APOL4: variants seen among roughly 807,000 people sequenced by gnomAD.
APOL4 encodes apolipoprotein L4.
Under a neutral mutation model 12.1 loss-of-function variants are expected in APOL4, and 14 were observed. The observed-to-expected ratio is 1.16, with a 90% CI of 0.76 to 1.81. APOL4 has a LOEUF of 1.81. Among genes scored for constraint, APOL4 ranks in the 40% most tolerant of loss-of-function variants. The pLI, the probability that APOL4 is intolerant of heterozygous loss-of-function variation, is 0.00. For synonymous variants in APOL4, 171 were observed against 160.6 expected (o/e 1.06, Z -0.49); for missense variants, 432 against 423.1 (o/e 1.02, Z -0.18).
intron 2 of APOL4, chr22:36,197,644 C>T: frequency 6.5e-7 from 1 of 1,547,036 alleles, no homozygotes; most frequent in Non-Finnish European, 8.7e-7. Context: ...GCGCTTCTGT[C>T]AGACACAAAC....
At chr22:36,196,608 G>A (rs1340703520) in intron 2 of APOL4, among the ~76,000 whole-genome samples, 1 of 152,196 alleles carries the variant, frequency 6.6e-6, no homozygotes, top group Non-Finnish European at 1.5e-5. Flanking sequence ...AGGGATTTGG[G>A]AATTATGGAA....
In APOL4 at chr22:36,201,796, G is replaced by T; in HGVS notation, c.-62C>A. ...TCTGGGGCCTCTGCTGAATGTTGAGGCTGGATACTGACTGTTAGCCTCAAC... is the reference window on the plus strand; with the variant it reads ...TCTGGGGCCTCTGCTGAATGTTGAGTCTGGATACTGACTGTTAGCCTCAAC... On this transcript the variant is annotated 5_prime_UTR_variant, in exon 1 of 4. Coordinates refer to ENST00000683024, the MANE Select transcript of APOL4 (RefSeq NM_001386885.1). 1 of 1,579,866 alleles carries T rather than the reference G, an allele frequency of 6.3e-7. No homozygotes were observed. The highest frequency in any genetic ancestry group is 2.3e-5 in the East Asian group (1 of 43,228).
intron 2 of APOL4, 74 bp from the exon 3 acceptor site, chr22:36,195,511 T>C: frequency 6.5e-7 from 1 of 1,529,654 alleles, no homozygotes; most frequent in South Asian, 1.2e-5. Flanking sequence ...ATAAGGTGGT[T>C]CGGTGTTAAT....
In APOL4 at chr22:36,191,614, C is replaced by T. The variant is rs574540918; in HGVS notation, c.508G>A (p.Ala170Thr). The T allele has an allele frequency of 6.2e-7, 1 of 1,613,650 alleles. No homozygotes were observed. Among genetic ancestry groups the T allele is most frequent in the East Asian group, 2.2e-5 (1 of 44,860 alleles). Residue 170 changes from alanine (A) to threonine (T), a missense_variant, in exon 4 of 4, where the codon GCA (alanine) becomes ACA (threonine). Coordinates refer to ENST00000683024, the MANE Select transcript of APOL4 (RefSeq NM_001386885.1). ...GCTATTCCCAGCCCTACCCCAGCTGCAGTAATGCTCAGGCTCAGCCCTGCT... is the reference window on the plus strand; with the variant it reads ...GCTATTCCCAGCCCTACCCCAGCTGTAGTAATGCTCAGGCTCAGCCCTGCT... ...FTAGLSLSIT[A>T]AGVGLGIASA...
At chr22:36,199,593 G>C in intron 1 of APOL4, 1 of 1,556,468 alleles carries the variant, frequency 6.4e-7, no homozygotes, top group Non-Finnish European at 8.7e-7. Context: ...TCACACCAAG[G>C]AAAAGTCCGC....
At chr22:36,204,100 C>T (rs1264129075), upstream of APOL4, among the ~76,000 whole-genome samples, 2 of 152,166 alleles carry the variant, frequency 1.3e-5, no homozygotes, top group African/African-American at 4.8e-5. Context: ...CCCCACAGGG[C>T]CTGGCACAAG....
chr22:36,199,959 C>T (rs2014520654), intron 1 of APOL4, among the ~76,000 whole-genome samples: 2 of 152,114 alleles, frequency 1.3e-5, no homozygotes, highest in South Asian at 2.1e-4. Flanking sequence ...AGGTGCCCGT[C>T]GCCACATTCG....
intron 2 of APOL4, chr22:36,197,637 CT>C (rs1232506518): frequency 6.5e-7 from 1 of 1,545,312 alleles, no homozygotes; most frequent in African/African-American, 1.4e-5. Flanking sequence ...CAGATGGGCG[CT>C]TCTGTCAGAC....
At position 36,199,241 on chromosome 22, in the gene APOL4, A is replaced by T. The variant is rs2014498861; in HGVS notation, c.82+89T>A. ...TCCGTTGGGGCTCACTCAGCCTTGA[A>T]GACACCACCCTCCATTCTAGCTGTG... On this transcript the variant is annotated intron_variant, in intron 2 of 3. Transcript: ENST00000683024. The T allele has an allele frequency of 3.8e-6, 6 of 1,565,574 alleles. No individual in the cohort carries two copies. The Admixed American group carries it at 1.0e-4, about 26-fold the overall frequency.
At chr22:36,197,894 G>A (rs1332731002) in intron 2 of APOL4, 9 of 1,483,096 alleles carry the variant, frequency 6.1e-6, no homozygotes, top group Non-Finnish European at 7.2e-6. Flanking sequence ...CACTGGGTCT[G>A]ACCCACCTTT....
upstream of APOL4, chr22:36,201,851 T>A (rs1419257589): frequency 1.9e-6 from 3 of 1,574,958 alleles, no homozygotes; most frequent in African/African-American, 4.1e-5. Flanking sequence ...TCTAGGCGAG[T>A]CTACCAGTTG....
At chr22:36,204,064 T>C (rs139284809), upstream of APOL4, among the ~76,000 whole-genome samples, 256 of 152,230 alleles carry the variant, frequency 1.7e-3, 1 homozygote, top group Middle Eastern at 6.8e-3. Context: ...CCTGGGCAAG[T>C]CACTCCCCTC....
chr22:36,199,726 A>C, intron 1 of APOL4: 1 of 1,351,346 alleles, frequency 7.4e-7, no homozygotes, highest in Non-Finnish European at 1.0e-6. Flanking sequence ...AATGACCGGA[A>C]ACATGTGTGA....
At chr22:36,198,273 C>T (rs2014471109) in intron 2 of APOL4, among the ~76,000 whole-genome samples, 1 of 152,222 alleles carries the variant, frequency 6.6e-6, no homozygotes, top group South Asian at 2.1e-4. Context: ...CCACCGGCAT[C>T]AACATGACCA....
Position 36,191,546 on chromosome 22 carries a change from T to C in APOL4, c.576A>G (p.Thr192=), listed in dbSNP as rs376873369. Reference sequence around the variant, plus strand: ...CTGTGAGTTCTGCTGACCTTGTGTATGTGTTCTCCACGATGCTGGAGGCGA... The same window carrying C: ...CTGTGAGTTCTGCTGACCTTGTGTACGTGTTCTCCACGATGCTGGAGGCGA... ...AGIASSIVEN[T]YTRSAELTAS... The change falls in exon 4 of 4, where the codon ACA becomes ACG. Residue 192 remains threonine, a synonymous_variant. Coordinates refer to ENST00000683024, the MANE Select transcript of APOL4 (RefSeq NM_001386885.1). 33 of 1,614,040 alleles carry C rather than the reference T, an allele frequency of 2.0e-5. No homozygotes were observed. In the African/African-American group the frequency reaches 3.1e-4, roughly 15 times the overall value.
chr22:36,202,132 C>A, upstream of APOL4: 3 of 1,597,866 alleles, frequency 1.9e-6, no homozygotes, highest in Non-Finnish European at 2.6e-6. Context: ...TTTAATAAAC[C>A]GTTTTGCTGT....
At chr22:36,194,350 C>A (rs899336320) in intron 3 of APOL4, among the ~76,000 whole-genome samples, 1 of 152,164 alleles carries the variant, frequency 6.6e-6, no homozygotes. Flanking sequence ...CTCCTACTCA[C>A]GGGTCTTCTG....
rs1266698457 is a variant in APOL4 at position 36,191,527 on chromosome 22, G to A, written c.595C>T (p.Leu199Phe). ...VENTYTRSAE[L>F]TASRLTATST... ...GTTGCAGTCAGCCTGCTGGCTGTGA[G>A]TTCTGCTGACCTTGTGTATGTGTTC... The change falls in exon 4 of 4, where the codon CTC becomes TTC. Residue 199 changes from leucine (L) to phenylalanine (F), a missense_variant. Physicochemically the swap from Leu to Phe is conservative, Grantham distance 22. Coordinates refer to ENST00000683024, the MANE Select transcript of APOL4 (RefSeq NM_001386885.1). 24 of 1,613,950 alleles carry A rather than the reference G, an allele frequency of 1.5e-5. No homozygotes were observed. The highest frequency in any genetic ancestry group is 1.9e-5 in the Non-Finnish European group (22 of 1,179,904).
chr22:36,204,045 A>T (rs762170833), upstream of APOL4, among the ~76,000 whole-genome samples: 28 of 152,162 alleles, frequency 1.8e-4, no homozygotes, highest in Non-Finnish European at 2.8e-4. Flanking sequence ...CAGCCTCCTG[A>T]CACTGGACCC....
Sources: allele counts gnomAD v4.1 joint callset (sites outside exome capture counted in the v4.1 genomes callset), GRCh38; gene constraint gnomAD v4.1.1; transcripts MANE v1.5; gene names NCBI Gene and HGNC (gene_info 2026-07-23, HGNC 2026-07-21).